Variants in CEP68 observed in about 807,000 individuals in gnomAD.
CEP68 encodes centrosomal protein 68.
Under a neutral mutation model 55.3 loss-of-function variants are expected in CEP68, and 26 were observed. That is an observed-to-expected ratio of 0.47 (90% CI 0.34 to 0.65). The LOEUF (loss-of-function observed/expected upper bound fraction) is 0.65, where lower values mean the gene tolerates loss of function less well. Ranked by LOEUF, CEP68 falls within the 30% of genes least tolerant of loss-of-function variation. The pLI, the probability that CEP68 is intolerant of heterozygous loss-of-function variation, is 0.01. For synonymous variants in CEP68, 402 were observed against 383.2 expected (o/e 1.05, Z -0.57); for missense variants, 957 against 946.7 (o/e 1.01, Z -0.14).
chr2:65,077,461 A>G (rs1676819546), intron 4 of CEP68, among the ~76,000 whole-genome samples: 1 of 152,206 alleles, frequency 6.6e-6, no homozygotes, highest in African/African-American at 2.4e-5. Context: ...GAGCAGAGGT[A>G]GAGACAGTGG....
chr2:65,079,661 C>CACATCAGT (rs1676917708), intron 5 of CEP68, among the ~76,000 whole-genome samples: 1 of 152,194 alleles, frequency 6.6e-6, no homozygotes, highest in South Asian at 2.1e-4. Context: ...AAGCAGTTGG[C>CACATCAGT]ACATCAGTGT....
At chr2:65,068,807 G>GA (rs1463362045) in intron 1 of CEP68, among the ~76,000 whole-genome samples, 2 of 152,044 alleles carry the variant, frequency 1.3e-5, no homozygotes, top group Admixed American at 6.5e-5. Flanking sequence ...CAGCCTGGGT[G>GA]ACAGAGTAAG....
At chr2:65,082,223 A>G (rs1668860663) in intron 5 of CEP68, among the ~76,000 whole-genome samples, 1 of 152,218 alleles carries the variant, frequency 6.6e-6, no homozygotes, top group South Asian at 2.1e-4. Context: ...TACCTGTCTT[A>G]CCTCTAAAGT....
chr2:65,068,743 C>T (rs1308839943), intron 1 of CEP68, among the ~76,000 whole-genome samples: 2 of 152,136 alleles, frequency 1.3e-5, no homozygotes, highest in Non-Finnish European at 2.9e-5. Context: ...GGGAGGATCA[C>T]CTGAGCCCAG....
At chr2:65,069,365 T>G in intron 1 of CEP68, 34 bp from the exon 2 acceptor site, 2 of 1,088,260 alleles carry the variant, frequency 1.8e-6, no homozygotes, top group Non-Finnish European at 2.6e-6. Context: ...ATGTAGAAGA[T>G]TTATATTTTT....
chr2:65,064,517 G>A (rs1011421618), intron 1 of CEP68, among the ~76,000 whole-genome samples: 1 of 152,078 alleles, frequency 6.6e-6, no homozygotes, highest in Admixed American at 6.5e-5. Flanking sequence ...GGCAGATCAC[G>A]ATGTCAGGAG....
rs998565910 is a variant in CEP68 at position 65,085,957 on chromosome 2, CTTAAAA to C, written c.*2328_*2333del. The C allele has an allele frequency of 3.9e-5, 6 of 152,294 alleles. No individual in the cohort carries two copies. The highest frequency in any genetic ancestry group is 1.2e-4 in the African/African-American group (5 of 41,550). The allele number at this position is 152,294 out of a possible 1,614,324, so 9.4% of individuals were successfully genotyped here. A position where few individuals can be genotyped will look rare whatever the true frequency, so the allele number is the denominator to read the frequency against. On this transcript the variant is annotated 3_prime_UTR_variant, in exon 7 of 7. Coordinates refer to ENST00000377990, the MANE Select transcript of CEP68 (RefSeq NM_015147.3). ...CCACACTGGAATAACTTAGTAGTCCCTTAAAATTAATGGAAGTTAAATCCACAGGGA... is the reference window on the plus strand; with the variant it reads ...CCACACTGGAATAACTTAGTAGTCCCTTAATGGAAGTTAAATCCACAGGGA...
chr2:65,081,142 C>T (rs911449195), intron 5 of CEP68, among the ~76,000 whole-genome samples: 16 of 149,744 alleles, frequency 1.1e-4, no homozygotes, highest in Admixed American at 6.7e-4. Context: ...ACCTGGGAGG[C>T]GGAGGTTTTA....
chr2:65,082,934 G>A (rs1363179020), intron 6 of CEP68, among the ~76,000 whole-genome samples: 1 of 152,116 alleles, frequency 6.6e-6, no homozygotes, highest in Non-Finnish European at 1.5e-5. Context: ...TGAGGATGAG[G>A]GTGCCTCTGT....
intron 5 of CEP68, among the ~76,000 whole-genome samples, chr2:65,078,793 C>T (rs1676881455): frequency 1.3e-5 from 2 of 152,242 alleles, no homozygotes; most frequent in Non-Finnish European, 1.5e-5. Context: ...ATTCGCCTGC[C>T]TCAGCCTCCC....
chr2:65,077,140 C>T (rs761154257), intron 4 of CEP68, among the ~76,000 whole-genome samples: 7 of 151,774 alleles, frequency 4.6e-5, no homozygotes, highest in Non-Finnish European at 7.4e-5. Flanking sequence ...GGATTACAGG[C>T]ATGCACCACC....
chr2:65,081,044 C>A (rs1023502755), intron 5 of CEP68, among the ~76,000 whole-genome samples: 1 of 152,032 alleles, frequency 6.6e-6, no homozygotes, highest in Admixed American at 6.5e-5. Flanking sequence ...AACCCTGTCT[C>A]TACTAAAAAT....
In CEP68 at chr2:65,072,441, A is replaced by T; in HGVS notation, c.1345A>T (p.Arg449Trp). The T allele has an allele frequency of 6.2e-7, 1 of 1,614,060 alleles. No individual in the cohort carries two copies. Among genetic ancestry groups the T allele is most frequent in the Non-Finnish European group, 8.5e-7 (1 of 1,180,024 alleles). ...ACGGGACAGAGGGTGGCCCTCGCCC[A>T]GGCCAGAGAGGGAGAAGAGGACCAG... The part of the protein sequence containing the change: ...RTRDRGWPSP[R>W]PEREKRTSQS... The change falls in exon 3 of 7, where the codon AGG (arginine) becomes TGG (tryptophan). Residue 449 changes from arginine to tryptophan, a missense_variant. Coordinates refer to ENST00000377990, the MANE Select transcript of CEP68 (RefSeq NM_015147.3).
chr2:65,069,416 C>G lies in CEP68; in HGVS notation c.-29C>G. On this transcript the variant is annotated 5_prime_UTR_variant, in exon 2 of 7. Transcript: ENST00000377990. ...TTTTGTAGGAAGCTGAAGTCTTCAG[C>G]AGAACCCTGACCTAGGTAGGGAGTC... 1.4e-6 allele frequency: 2 copies of G among 1,474,762 alleles called. No individual in the cohort carries two copies. The highest frequency in any genetic ancestry group is 1.8e-6 in the Non-Finnish European group (2 of 1,104,434). The allele number at this position is 1,474,762 out of a possible 1,614,324, so 91.4% of individuals were successfully genotyped here.
rs537224954 is a variant in CEP68 at position 65,057,206 on chromosome 2, G to A, written c.-47+678G>A. On this transcript the variant is annotated intron_variant, in intron 1 of 6. Coordinates refer to ENST00000377990, the MANE Select transcript of CEP68 (RefSeq NM_015147.3). ...GTATTGTTTGTAACAAAAATGAGCG[G>A]AAGCCTGCCAGGGCAGATTGGACCT... Among the ~76,000 whole-genome samples, 6 of 152,348 alleles carry A rather than the reference G, an allele frequency of 3.9e-5. No individual in the cohort carries two copies. In the South Asian group the frequency reaches 1.2e-3, roughly 32 times the overall value.
chr2:65,078,186 T>C (rs1676849558), intron 5 of CEP68, among the ~76,000 whole-genome samples: 1 of 152,210 alleles, frequency 6.6e-6, no homozygotes. Flanking sequence ...ACCAAGCCCA[T>C]TACAAATTAG....
Position 65,085,483 on chromosome 2 carries a change from C to T in CEP68, c.*1849C>T, listed in dbSNP as rs1170441465. 6.6e-6 allele frequency: 1 copy of T among 151,982 alleles called. No homozygotes were observed. The highest frequency in any genetic ancestry group is 2.4e-5 in the African/African-American group (1 of 41,346). 9.4% of individuals were successfully genotyped at this position (151,982 alleles called of 1,614,324 possible). On this transcript the variant is annotated 3_prime_UTR_variant, in exon 7 of 7. Transcript: ENST00000377990. Reference sequence around the variant, plus strand: ...GTATCAACACAACTGTTAATTATACCGCCGTGCTTTAAGTTTAAGACTTAC... The same window carrying T: ...GTATCAACACAACTGTTAATTATACTGCCGTGCTTTAAGTTTAAGACTTAC...
rs1676540824 is a variant in CEP68, at chr2:65,072,588, T to A, written c.1492T>A (p.Tyr498Asn). Residue 498 changes from tyrosine (Y) to asparagine (N), a missense_variant, in exon 3 of 7, where the codon TAT becomes AAT. Coordinates refer to ENST00000377990, the MANE Select transcript of CEP68 (RefSeq NM_015147.3). ...RLTQVSSLVS[Y>N]LGSISTLVTL... ...GACACAGGTTTCTAGCCTGGTTTCGTATCTAGGATCCATTTCTACCTTGGT... is the reference window on the plus strand; with the variant it reads ...GACACAGGTTTCTAGCCTGGTTTCGAATCTAGGATCCATTTCTACCTTGGT... The A allele has an allele frequency of 3.7e-6, 6 of 1,614,036 alleles. No individual in the cohort carries two copies. The highest frequency in any genetic ancestry group is 5.1e-6 in the Non-Finnish European group (6 of 1,179,992).
chr2:65,079,993 C>T (rs1053880349), intron 5 of CEP68, among the ~76,000 whole-genome samples: 6 of 152,004 alleles, frequency 3.9e-5, no homozygotes, highest in Admixed American at 1.3e-4. Flanking sequence ...ATTAGCTGGG[C>T]GTGGTGGGGA....
Sources: allele counts gnomAD v4.1 joint callset (sites outside exome capture counted in the v4.1 genomes callset), GRCh38; gene constraint gnomAD v4.1.1; transcripts MANE v1.5; gene names NCBI Gene and HGNC (gene_info 2026-07-23, HGNC 2026-07-21).